The following CD7 variants were observed in gnomAD, a reference collection of about 807,000 sequenced individuals.
The protein encoded by CD7 is CD7 molecule.
A neutral mutation model predicts 17.6 loss-of-function variants in CD7; 19 were observed. The observed-to-expected ratio is 1.08, with a 90% CI of 0.75 to 1.58. The LOEUF (loss-of-function observed/expected upper bound fraction) is 1.58. Among genes scored for constraint, CD7 ranks in the 40% most tolerant of loss-of-function variants. CD7 has a pLI of 0.00. For missense variants in CD7, 291 were observed against 327.1 expected (o/e 0.89, Z 0.85); for synonymous variants, 160 against 159.8 (o/e 1.00, Z -0.01).
chr17:82,315,874 G>A (rs1445693944), intron 3 of CD7: 23 of 597,342 alleles, frequency 3.9e-5, no homozygotes, highest in Non-Finnish European at 5.3e-5. Flanking sequence ...CGGGCCCAGC[G>A]CCTGGGCGCT....
chr17:82,316,300 G>A lies in CD7; in HGVS notation c.507C>T (p.Ala169=). ...SALPDPQTAS[A]LPDPPAASAL... is the part of the protein sequence containing the mutation. ...CAGAGGCTGCTGGCGGGTCAGGGAG[G>A]GCAGAGGCTGTCTGCGGGTCAGGGA... Residue 169 remains alanine (A), a synonymous_variant, in exon 3 of 4, where the codon GCC becomes GCT. Coordinates refer to ENST00000312648, the MANE Select transcript of CD7 (RefSeq NM_006137.7). 1 of 1,568,686 alleles carries A rather than the reference G, an allele frequency of 6.4e-7. No individual in the cohort carries two copies. The highest frequency in any genetic ancestry group is 8.7e-7 in the Non-Finnish European group (1 of 1,155,122).
Position 82,316,912 on chromosome 17 carries a change from CT to C in CD7, c.151del (p.Ser51AlafsTer9). Reference sequence around the variant, plus strand: ...CAGGTAGATCCCACGCAGGCCCCCGCTGGTGGAGCAGGTGATGTTGACGGAG... The same window carrying C: ...CAGGTAGATCCCACGCAGGCCCCCGCGGTGGAGCAGGTGATGTTGACGGAG... ...GASVNITCST[S>X]GGLRGIYLRQ... On this transcript the variant is annotated frameshift_variant, in exon 2 of 4. Transcript: ENST00000312648. LOFTEE classifies it high-confidence loss of function. The C allele has an allele frequency of 6.2e-7, 1 of 1,611,940 alleles. No homozygotes were observed. The highest frequency in any genetic ancestry group is 1.1e-5 in the South Asian group (1 of 91,066).
chr17:82,316,051 C>A, intron 3 of CD7, 144 bp downstream of exon 3: 1 of 910,532 alleles, frequency 1.1e-6, no homozygotes, highest in Non-Finnish European at 1.7e-6. Context: ...CCCGCCGAGG[C>A]CACTTCCACC....
intron 3 of CD7, 160 bp from the exon 4 acceptor site, chr17:82,315,591 C>A: frequency 3.2e-6 from 2 of 621,102 alleles, no homozygotes; most frequent in Non-Finnish European, 2.9e-6. Flanking sequence ...GCAGAGCCTT[C>A]CCCAGGCAGG....
intron 3 of CD7, 68 bp downstream of exon 3, chr17:82,316,127 C>A: frequency 1.4e-6 from 2 of 1,471,088 alleles, no homozygotes; most frequent in Non-Finnish European, 1.9e-6. Flanking sequence ...GCTTTGGCGC[C>A]CCCCACGCTG....
Position 82,315,187 on chromosome 17 carries a change from C to T in CD7, c.*134G>A, listed in dbSNP as rs1182620785. 1 of 646,156 alleles carries T rather than the reference C, an allele frequency of 1.5e-6. No homozygotes were observed. Among genetic ancestry groups the T allele is most frequent in the Non-Finnish European group, 2.8e-6 (1 of 357,952 alleles). 40.0% of individuals were successfully genotyped at this position (646,156 alleles called of 1,614,324 possible). A position where few individuals can be genotyped will look rare whatever the true frequency, so the allele number is the denominator to read the frequency against. On this transcript the variant is annotated 3_prime_UTR_variant, in exon 4 of 4. Transcript: ENST00000312648. ...GCCTGTGTGTCTGCTTGGAGCTGGG[C>T]ACGGCTGGGCCCTTCAAACTCTGCT...
rs957280944 is a variant in CD7, at chr17:82,316,788, C to T, written c.276G>A (p.Gly92=). ...RRFRGRIDFS[G]SQDNLTITMH... is the part of the protein sequence containing the mutation. ...TGGTGATAGTCAGGTTGTCCTGGGA[C>T]CCTGAGAAGTCGATGCGGCCCCGGA... Residue 92 remains glycine (G), a synonymous_variant, in exon 2 of 4, where the codon GGG becomes GGA. Transcript: ENST00000312648. 2.5e-6 allele frequency: 4 copies of T among 1,613,766 alleles called. No homozygotes were observed. The highest frequency in any genetic ancestry group is 1.3e-5 in the African/African-American group (1 of 74,902).
chr17:82,317,383 T>C, intron 1 of CD7, 31 bp downstream of exon 1: 2 of 1,538,896 alleles, frequency 1.3e-6, no homozygotes, highest in Non-Finnish European at 1.8e-6. Flanking sequence ...GCTCTGGAGC[T>C]GTGGCCATGG....
intron 3 of CD7, chr17:82,315,890 C>G (rs112095074): frequency 2.1e-4 from 126 of 600,952 alleles, no homozygotes; most frequent in African/African-American, 1.9e-3. Context: ...GCGCTCCCTC[C>G]TCTGCCCGCA....
At position 82,314,998 on chromosome 17, in the gene CD7, G is replaced by A. The variant is rs1033167922; in HGVS notation, c.*323C>T. The A allele has an allele frequency of 6.3e-6, 2 of 315,962 alleles. No homozygotes were observed. The highest frequency in any genetic ancestry group is 4.0e-5 in the Admixed American group (1 of 24,884). 19.6% of individuals were successfully genotyped at this position (315,962 alleles called of 1,614,324 possible). A position where few individuals can be genotyped will look rare whatever the true frequency, so the allele number is the denominator to read the frequency against. On this transcript the variant is annotated 3_prime_UTR_variant, in exon 4 of 4. Coordinates refer to ENST00000312648, the MANE Select transcript of CD7 (RefSeq NM_006137.7). This position sits in a 1 kb window ranked among gnomAD's most constrained non-coding sequence, Gnocchi z 6.0. ...GGGCCGGCACTGACAGGAGAGGGCC[G>A]CGTGCCCAGGCCCATCCCACAGAAA...
chr17:82,317,510 G>GGC lies in CD7; in HGVS notation c.-16_-15insGC. Reference sequence around the variant, plus strand: ...GGCCCGGCCATGTTCCCCACACCCAGCTCTCCCAGCCGGGCGAGTGCAGCT... The same window carrying GGC: ...GGCCCGGCCATGTTCCCCACACCCAGGCCTCTCCCAGCCGGGCGAGTGCAGCT... On this transcript the variant is annotated 5_prime_UTR_variant, in exon 1 of 4. Transcript: ENST00000312648. The GGC allele has an allele frequency of 6.4e-7, 1 of 1,554,410 alleles. No individual in the cohort carries two copies. Among genetic ancestry groups the GGC allele is most frequent in the Non-Finnish European group, 8.7e-7 (1 of 1,149,886 alleles).
rs758663957 is a variant in CD7, at chr17:82,316,744, G to A, written c.320C>T (p.Ser107Leu). The A allele has an allele frequency of 8.7e-6, 14 of 1,613,640 alleles. No homozygotes were observed. Among genetic ancestry groups the A allele is most frequent in the African/African-American group, 8.0e-5 (6 of 74,910 alleles). Residue 107 changes from serine (S) to leucine (L), a missense_variant, in exon 2 of 4, where the codon TCG becomes TTG. Coordinates refer to ENST00000312648, the MANE Select transcript of CD7 (RefSeq NM_006137.7). The part of the protein sequence containing the change: ...LTITMHRLQL[S>L]DTGTYTCQAI... The stretch of plus-strand genomic sequence containing the variant: ...CTGGCAGGTGTAGGTGCCAGTGTCC[G>A]ACAGCTGCAGGCGGTGCATGGTGAT...
intron 1 of CD7, chr17:82,317,208 C>T: frequency 1.5e-6 from 1 of 662,446 alleles, no homozygotes; most frequent in South Asian, 1.9e-5. Flanking sequence ...CCTCCCAAAG[C>T]AGCGGCCCTG....
Position 82,316,222 on chromosome 17 carries a change from C to A in CD7, c.585G>T (p.Gly195=), listed in dbSNP as rs1220487260. ...VISFLLGLGL[G]VACVLARTQI... ...GTGTCCTCGCCAGCACACACGCCAC[C>A]CCCAGGCCCAGCCCGAGGAGGAAGG... The change falls in exon 3 of 4, where the codon GGG becomes GGT. Residue 195 remains glycine, a synonymous_variant. Coordinates refer to ENST00000312648, the MANE Select transcript of CD7 (RefSeq NM_006137.7). 2 of 1,566,324 alleles carry A rather than the reference C, an allele frequency of 1.3e-6. No individual in the cohort carries two copies. Among genetic ancestry groups the A allele is most frequent in the Non-Finnish European group, 1.7e-6 (2 of 1,155,096 alleles).
intron 1 of CD7, 99 bp downstream of exon 1, chr17:82,317,315 T>G: frequency 8.3e-7 from 1 of 1,209,108 alleles, no homozygotes; most frequent in Non-Finnish European, 1.2e-6. Context: ...CCCCACCCGC[T>G]TCCTGGGGGC....
chr17:82,316,184 C>T lies in CD7; in HGVS notation c.612+11G>A, dbSNP rs753996869. The T allele has an allele frequency of 8.4e-6, 13 of 1,552,928 alleles. No individual in the cohort carries two copies. The highest frequency in any genetic ancestry group is 1.4e-5 in the African/African-American group (1 of 73,364). Reference sequence around the variant, plus strand: ...TTTGGGGTGCAGGTGGCAGCTGGGGCTCACACTGACCTGTGTCCTCGCCAG... The same window carrying T: ...TTTGGGGTGCAGGTGGCAGCTGGGGTTCACACTGACCTGTGTCCTCGCCAG... On this transcript the variant is annotated intron_variant, in intron 3 of 3. Transcript: ENST00000312648.
chr17:82,315,051 G>A lies in CD7; in HGVS notation c.*270C>T, dbSNP rs1422074373. ...CCCTCCTTGGCCATGGTCGGGAGATGCAGCCAAAGGACAGTCAGGCTTCCT... is the reference window on the plus strand; with the variant it reads ...CCCTCCTTGGCCATGGTCGGGAGATACAGCCAAAGGACAGTCAGGCTTCCT... On this transcript the variant is annotated 3_prime_UTR_variant, in exon 4 of 4. Transcript: ENST00000312648. The A allele has an allele frequency of 4.8e-6, 2 of 419,796 alleles. No individual in the cohort carries two copies. The highest frequency in any genetic ancestry group is 9.0e-6 in the Non-Finnish European group (2 of 221,330). 26.0% of individuals were successfully genotyped at this position (419,796 alleles called of 1,614,324 possible).
Position 82,315,140 on chromosome 17 carries a change from A to C in CD7, c.*181T>G. The C allele has an allele frequency of 3.5e-6, 2 of 568,278 alleles. No homozygotes were observed. The highest frequency in any genetic ancestry group is 3.2e-6 in the Non-Finnish European group (1 of 313,082). 35.2% of individuals were successfully genotyped at this position (568,278 alleles called of 1,614,324 possible). ...GAGGAGGCATCATTGTCCACTGAGA[A>C]GCACCGTGGGGCCTGGCCACTGCCT... On this transcript the variant is annotated 3_prime_UTR_variant, in exon 4 of 4. Coordinates refer to ENST00000312648, the MANE Select transcript of CD7 (RefSeq NM_006137.7).
Position 82,316,402 on chromosome 17 carries a change from C to G in CD7, c.405G>C (p.Gln135His), listed in dbSNP as rs1280253975. 1.3e-6 allele frequency: 2 copies of G among 1,575,030 alleles called. No individual in the cohort carries two copies. The highest frequency in any genetic ancestry group is 2.3e-5 in the South Asian group (2 of 86,514). Reference sequence around the variant, plus strand: ...CCGAGCATCTGTGCCATCCTTGGGACTGTTCCTCTGAGAAGGAAAAAAGAA... The same window carrying G: ...CCGAGCATCTGTGCCATCCTTGGGAGTGTTCCTCTGAGAAGGAAAAAAGAA... ...SGTLVLVTEE[Q>H]SQGWHRCSDA... Residue 135 changes from glutamine to histidine, a missense_variant, in exon 3 of 4, where the codon CAG (glutamine) becomes CAC (histidine). Gln to His is a conservative substitution (Grantham distance 24, BLOSUM62 0). Coordinates refer to ENST00000312648, the MANE Select transcript of CD7 (RefSeq NM_006137.7).
Sources: gnomAD v4.1 joint callset for allele counts on GRCh38, gnomAD v4.1.1 for gene constraint, Gnocchi (gnomAD v3.1) non-coding constraint, MANE v1.5 for transcripts, NCBI Gene and HGNC (gene_info 2026-07-23, HGNC 2026-07-21) for gene names.